The following AFF2 variants were observed in gnomAD, a reference collection of about 807,000 sequenced individuals.
AFF2 encodes ALF transcription elongation factor 2.
Under a neutral mutation model 76.9 loss-of-function variants are expected in AFF2, and 14 were observed. That is an observed-to-expected ratio of 0.18 (90% CI 0.12 to 0.28). The LOEUF (loss-of-function observed/expected upper bound fraction) is 0.28. Ranked by LOEUF, AFF2 falls within the 10% of genes least tolerant of loss-of-function variation. The pLI, the probability that AFF2 is intolerant of heterozygous loss-of-function variation, is 1.00. For synonymous variants in AFF2, 398 were observed against 366.7 expected (o/e 1.09, Z -0.98); for missense variants, 868 against 1,001.1 (o/e 0.87, Z 1.79).
intron 3 of AFF2, among the ~76,000 whole-genome samples, chrX:148,698,578 A>G: frequency 8.9e-6 from 1 of 112,466 alleles, no homozygotes; most frequent in Non-Finnish European, 1.9e-5. Flanking sequence ...GTATTTATAC[A>G]CAGAATACTT....
chrX:148,969,764 T>C (rs782195179), intron 15 of AFF2, among the ~76,000 whole-genome samples: 1 of 109,935 alleles, frequency 9.1e-6, no homozygotes, highest in Admixed American at 9.7e-5. Flanking sequence ...TTGGTGGTGG[T>C]GGGGGGGTGA....
intron 1 of AFF2, among the ~76,000 whole-genome samples, chrX:148,615,942 A>C (rs1557250280): frequency 4.5e-5 from 5 of 111,787 alleles, no homozygotes; most frequent in African/African-American, 1.3e-4. Context: ...CAATATTTAG[A>C]TGAAGCCATA....
chrX:148,904,505 A>G, intron 9 of AFF2: 1 of 317,352 alleles, frequency 3.2e-6, no homozygotes, highest in South Asian at 5.9e-5. Flanking sequence ...TGTGCAATCC[A>G]TGAATAGCTG....
intron 7 of AFF2, among the ~76,000 whole-genome samples, chrX:148,876,705 T>C (rs1557277940): frequency 1.8e-5 from 2 of 111,383 alleles, no homozygotes; most frequent in African/African-American, 6.5e-5. Flanking sequence ...TACAGGGATG[T>C]CTGGTGGTGT....
At chrX:148,760,558 A>G (rs1213411531) in intron 3 of AFF2, among the ~76,000 whole-genome samples, 4 of 112,265 alleles carry the variant, frequency 3.6e-5, no homozygotes, top group Non-Finnish European at 7.5e-5. Context: ...TAAGAATTGT[A>G]GTGCCAATTG....
intron 4 of AFF2, among the ~76,000 whole-genome samples, chrX:148,819,529 A>T (rs1365121736): frequency 9.0e-6 from 1 of 111,306 alleles, no homozygotes; most frequent in Non-Finnish European, 1.9e-5. Context: ...CTTATAAATG[A>T]ATCTTGAGAG....
intron 9 of AFF2, among the ~76,000 whole-genome samples, chrX:148,935,273 G>A (rs1036488131): frequency 8.5e-4 from 93 of 109,693 alleles, no homozygotes; most frequent in African/African-American, 3.1e-3. Flanking sequence ...ACACTCAAGC[G>A]TTAGACTCAG....
chrX:148,677,550 C>T (rs1201199185), intron 3 of AFF2, among the ~76,000 whole-genome samples: 2 of 112,266 alleles, frequency 1.8e-5, no homozygotes, highest in Admixed American at 9.4e-5. Flanking sequence ...TGATAAGTTT[C>T]TATTAGTAAT....
At chrX:148,978,675 C>T (rs1335934067) in intron 18 of AFF2, among the ~76,000 whole-genome samples, 3 of 112,059 alleles carry the variant, frequency 2.7e-5, no homozygotes, top group African/African-American at 9.7e-5. Flanking sequence ...TGACTTTTTT[C>T]CAGACTCACC....
At chrX:148,724,857 C>T (rs926492697) in intron 3 of AFF2, among the ~76,000 whole-genome samples, 8 of 112,478 alleles carry the variant, frequency 7.1e-5, no homozygotes, top group South Asian at 7.3e-4. Context: ...GAAGCAACAG[C>T]GGAGTTAGTA....
chrX:148,614,662 CCTT>C (rs2053766795), intron 1 of AFF2, among the ~76,000 whole-genome samples: 1 of 102,019 alleles, frequency 9.8e-6, no homozygotes, highest in African/African-American at 3.7e-5. Flanking sequence ...TTCCTTCCTT[CCTT>C]TCCTTTTCTT....
At chrX:148,511,251 T>G (rs2052478851) in intron 1 of AFF2, among the ~76,000 whole-genome samples, 1 of 109,987 alleles carries the variant, frequency 9.1e-6, no homozygotes, top group Non-Finnish European at 1.9e-5. Flanking sequence ...TTGGGCAGCC[T>G]TAAAAAAAAA....
At chrX:148,541,500 A>G (rs2052856401) in intron 1 of AFF2, among the ~76,000 whole-genome samples, 1 of 111,299 alleles carries the variant, frequency 9.0e-6, no homozygotes, top group Non-Finnish European at 1.9e-5. Flanking sequence ...TGAAGAAAAT[A>G]GGGAAATTAC....
intron 1 of AFF2, among the ~76,000 whole-genome samples, chrX:148,593,791 A>C (rs1190679175): frequency 8.9e-6 from 1 of 111,817 alleles, no homozygotes; most frequent in Non-Finnish European, 1.9e-5. Context: ...ACCTCAAATA[A>C]TTTGAGAGTA....
At chrX:148,696,342 T>G (rs1299578758) in intron 3 of AFF2, among the ~76,000 whole-genome samples, 1 of 110,214 alleles carries the variant, frequency 9.1e-6, no homozygotes, top group East Asian at 2.9e-4. Flanking sequence ...GAGATATACC[T>G]AACGTAAATG....
intron 3 of AFF2, among the ~76,000 whole-genome samples, chrX:148,751,967 C>G (rs782418848): frequency 6.0e-4 from 67 of 111,797 alleles, no homozygotes; most frequent in African/African-American, 2.0e-3. Context: ...TGTCCTCTTA[C>G]ATTCTTAGTA....
At chrX:148,723,385 A>G (rs2124543871) in intron 3 of AFF2, among the ~76,000 whole-genome samples, 1 of 111,917 alleles carries the variant, frequency 8.9e-6, no homozygotes, top group South Asian at 3.8e-4. Context: ...CTAATTATAC[A>G]GCTCACGGGC....
intron 3 of AFF2, among the ~76,000 whole-genome samples, chrX:148,715,596 A>G (rs1403917105): frequency 2.7e-5 from 3 of 111,681 alleles, no homozygotes; most frequent in African/African-American, 9.8e-5. Flanking sequence ...CCATTTGAAC[A>G]CATATGTCCA....
Position 148,661,914 on chromosome X carries a change from A to G in AFF2, c.187A>G (p.Lys63Glu), listed in dbSNP as rs782442047. The G allele has an allele frequency of 1.8e-5, 21 of 1,195,907 alleles. No homozygotes were observed. The highest frequency in any genetic ancestry group is 2.3e-5 in the Non-Finnish European group (20 of 886,903). Reference protein sequence around the residue: ...EPYKVAEYTNKGDALANRVQN... With the variant: ...EPYKVAEYTNEGDALANRVQN... ...CATCTTTTTGTTATTTTAGACAAACAAAGGTGATGCACTTGCCAACCGAGT... is the reference window on the plus strand; with the variant it reads ...CATCTTTTTGTTATTTTAGACAAACGAAGGTGATGCACTTGCCAACCGAGT... Residue 63 changes from lysine (K) to glutamate (E), a missense_variant, in exon 3 of 21, where the codon AAA (lysine) becomes GAA (glutamate). By Grantham distance (56) the Lys-to-Glu change is moderately conservative. This residue lies in a region of AFF2 where 196 missense variants were observed against 194.8 expected (regional missense o/e 1.01). Transcript: ENST00000370460.
Sources: allele counts gnomAD v4.1 joint callset (sites outside exome capture counted in the v4.1 genomes callset), GRCh38; gene constraint gnomAD v4.1.1; regional missense constraint gnomAD v4.1.1; transcripts MANE v1.5; gene names NCBI Gene and HGNC (gene_info 2026-07-23, HGNC 2026-07-21).